Variants in SMCP observed in about 807,000 individuals in gnomAD.
SMCP encodes the protein sperm mitochondrial-associated cysteine-rich protein.
For synonymous variants in SMCP, 41 were observed against 46.9 expected (o/e 0.87, Z 0.51); for missense variants, 137 against 137.1 (o/e 1.00, Z 0.01).
chr1:152,881,536 A>C (rs1649044249), intron 1 of SMCP, among the ~76,000 whole-genome samples: 1 of 150,916 alleles, frequency 6.6e-6, no homozygotes, highest in South Asian at 2.1e-4. Flanking sequence ...AAAATACAAA[A>C]AATTAGCCGG....
chr1:152,883,598 GGTT>G (rs1649118837), intron 1 of SMCP, among the ~76,000 whole-genome samples: 1 of 152,138 alleles, frequency 6.6e-6, no homozygotes, highest in Admixed American at 6.5e-5. Context: ...ACTGCTGAGT[GGTT>G]GAGTTTGAGG....
At chr1:152,881,067 C>A (rs919065980) in intron 1 of SMCP, among the ~76,000 whole-genome samples, 1 of 151,948 alleles carries the variant, frequency 6.6e-6, no homozygotes, top group Non-Finnish European at 1.5e-5. Context: ...CTGGGTCCAA[C>A]GTGTGAGTCT....
rs147087324 is a variant in SMCP at position 152,883,160 on chromosome 1, C to G, written c.-20-1243C>G. On this transcript the variant is annotated intron_variant, in intron 1 of 1. Transcript: ENST00000368765. ...CCACCTCACCTCAGCAGTTGTCACT[C>G]CAAATCCCACACCCATCCTACCCTA... Among the ~76,000 whole-genome samples the G allele has an allele frequency of 9.2e-5, 14 of 152,318 alleles. No homozygotes were observed. The East Asian group carries it at 2.5e-3, about 27-fold the overall frequency.
intron 1 of SMCP, among the ~76,000 whole-genome samples, chr1:152,882,121 A>T (rs940110354): frequency 6.6e-6 from 1 of 152,194 alleles, no homozygotes; most frequent in African/African-American, 2.4e-5. Context: ...GATTACAGGC[A>T]CCTGCCACCA....
rs368322146 is a variant in SMCP at position 152,882,078 on chromosome 1, C to T, written c.-20-2325C>T. Reference sequence around the variant, plus strand: ...GTAACCTCCACCTCCTGGGTTCAAGCGATTCTCCTGCCTCAGTCTCCCAAG... The same window carrying T: ...GTAACCTCCACCTCCTGGGTTCAAGTGATTCTCCTGCCTCAGTCTCCCAAG... On this transcript the variant is annotated intron_variant, in intron 1 of 1. Coordinates refer to ENST00000368765, the MANE Select transcript of SMCP (RefSeq NM_030663.3). 1.1e-4 allele frequency among the ~76,000 whole-genome samples: 17 copies of T among 152,264 alleles called. No homozygotes were observed. In the East Asian group the frequency reaches 2.7e-3, roughly 24 times the overall value.
At position 152,884,771 on chromosome 1, in the gene SMCP, T is replaced by G; in HGVS notation, c.349T>G (p.Ter117GlyextTer19). Residue 117 changes from the stop codon to glycine, a stop_lost, in exon 2 of 2, where the codon TGA becomes GGA. Transcript: ENST00000368765. ...SPQNESRPSK[*>G] ...ACAAAATGAGTCCAGGCCAAGCAAATGAGAGCAGAAGAAGTCAAACAAAGA... is the reference window on the plus strand; with the variant it reads ...ACAAAATGAGTCCAGGCCAAGCAAAGGAGAGCAGAAGAAGTCAAACAAAGA... 1 of 1,612,978 alleles carries G rather than the reference T, an allele frequency of 6.2e-7. No individual in the cohort carries two copies. Among genetic ancestry groups the G allele is most frequent in the Non-Finnish European group, 8.5e-7 (1 of 1,179,322 alleles).
Position 152,884,543 on chromosome 1 carries a change from C to T in SMCP, c.121C>T (p.Gln41Ter). The T allele has an allele frequency of 6.2e-7, 1 of 1,614,024 alleles. No individual in the cohort carries two copies. Among genetic ancestry groups the T allele is most frequent in the Non-Finnish European group, 8.5e-7 (1 of 1,179,998 alleles). Residue 41 changes from glutamine (Q) to a stop codon, truncating the protein, a stop_gained, in exon 2 of 2, where the codon CAG (glutamine) becomes TAG (stop). Coordinates refer to ENST00000368765, the MANE Select transcript of SMCP (RefSeq NM_030663.3). LOFTEE classifies it low-confidence loss of function (END_TRUNC). Reference sequence around the variant, plus strand: ...TCAATGCTGCCCACCAAAACAGAACCAGTGCTGCCAGCCAAAAGGCAGTCA... The same window carrying T: ...TCAATGCTGCCCACCAAAACAGAACTAGTGCTGCCAGCCAAAAGGCAGTCA... Reference protein sequence around the residue: ...GNQCCPPKQNQCCQPKGSQCC... With the variant: ...GNQCCPPKQN
At chr1:152,880,343 C>A (rs1648994264) in intron 1 of SMCP, among the ~76,000 whole-genome samples, 1 of 152,144 alleles carries the variant, frequency 6.6e-6, no homozygotes, top group African/African-American at 2.4e-5. Context: ...CAGGGGCACC[C>A]AAGTGTGTGC....
chr1:152,878,786 T>A (rs907341792), intron 1 of SMCP, among the ~76,000 whole-genome samples: 1 of 152,146 alleles, frequency 6.6e-6, no homozygotes, highest in Non-Finnish European at 1.5e-5. Context: ...AGGTTTTGGG[T>A]TAAGGAAGTT....
chr1:152,880,966 T>C (rs1426452957), intron 1 of SMCP, among the ~76,000 whole-genome samples: 1 of 1,804 alleles, frequency 5.5e-4, no homozygotes, highest in African/African-American at 2.5e-3. Flanking sequence ...TTATAAGAGG[T>C]AGCACTGTGC....
At chr1:152,882,826 C>A (rs1649097896) in intron 1 of SMCP, among the ~76,000 whole-genome samples, 1 of 152,172 alleles carries the variant, frequency 6.6e-6, no homozygotes, top group African/African-American at 2.4e-5. Flanking sequence ...GTCAGATCAC[C>A]AGAGGTCAGG....
chr1:152,879,889 G>A (rs1648981226), intron 1 of SMCP, among the ~76,000 whole-genome samples: 1 of 152,132 alleles, frequency 6.6e-6, no homozygotes, highest in African/African-American at 2.4e-5. Flanking sequence ...CTGGGCTCCA[G>A]GTGCCTCTGA....
At chr1:152,878,608 C>T (rs1485311838) in intron 1 of SMCP, among the ~76,000 whole-genome samples, 162 bp downstream of exon 1, 1 of 152,156 alleles carries the variant, frequency 6.6e-6, no homozygotes, top group Non-Finnish European at 1.5e-5. Flanking sequence ...AAAGCTCCTG[C>T]TTCTATTTAA....
At chr1:152,880,736 T>G (rs1288623086) in intron 1 of SMCP, among the ~76,000 whole-genome samples, 9 of 151,972 alleles carry the variant, frequency 5.9e-5, no homozygotes, top group Admixed American at 3.3e-4. Flanking sequence ...CTGGCAGAGA[T>G]AGAGTCATGA....
intron 1 of SMCP, among the ~76,000 whole-genome samples, chr1:152,880,360 G>A (rs939266058): frequency 6.6e-6 from 1 of 152,176 alleles, no homozygotes; most frequent in Non-Finnish European, 1.5e-5. Context: ...GTGCTTGTGT[G>A]TGCGTGTGGA....
chr1:152,884,794 AG>A lies in SMCP; in HGVS notation c.*22del. 6.2e-7 allele frequency: 1 copy of A among 1,600,832 alleles called. No individual in the cohort carries two copies. The highest frequency in any genetic ancestry group is 1.1e-5 in the South Asian group (1 of 90,336). ...AATGAGAGCAGAAGAAGTCAAACAA[AG>A]AAGAAGTCCCTGGGGCCATGCCTTT... On this transcript the variant is annotated 3_prime_UTR_variant, in exon 2 of 2. Coordinates refer to ENST00000368765, the MANE Select transcript of SMCP (RefSeq NM_030663.3).
At chr1:152,879,289 C>T (rs927731818) in intron 1 of SMCP, among the ~76,000 whole-genome samples, 4 of 152,078 alleles carry the variant, frequency 2.6e-5, no homozygotes, top group Admixed American at 1.3e-4. Flanking sequence ...GGTGAGGTCT[C>T]GGCTCACTGT....
Position 152,884,504 on chromosome 1 carries a change from C to T in SMCP, c.82C>T (p.Gln28Ter). 1 of 1,613,974 alleles carries T rather than the reference C, an allele frequency of 6.2e-7. No individual in the cohort carries two copies. Among genetic ancestry groups the T allele is most frequent in the Non-Finnish European group, 8.5e-7 (1 of 1,179,912 alleles). ...CCCACCACAGCAGAACCAGTGCTGCCAGTCAAAAGGCAATCAATGCTGCCC... is the reference window on the plus strand; with the variant it reads ...CCCACCACAGCAGAACCAGTGCTGCTAGTCAAAAGGCAATCAATGCTGCCC... ...CCPPQQNQCCQSKGNQCCPPK... is the reference protein window; with the variant it reads ...CCPPQQNQCC The change falls in exon 2 of 2, where the codon CAG (glutamine) becomes TAG (stop). Residue 28 changes from glutamine (Q) to a stop codon, truncating the protein, a stop_gained. Transcript: ENST00000368765. LOFTEE classifies it low-confidence loss of function (END_TRUNC).
At position 152,884,972 on chromosome 1, in the gene SMCP, G is replaced by A; in HGVS notation, c.*199G>A. On this transcript the variant is annotated 3_prime_UTR_variant, in exon 2 of 2. Coordinates refer to ENST00000368765, the MANE Select transcript of SMCP (RefSeq NM_030663.3). ...GGAGGCCTCCATCTGGAAATGGGAG[G>A]ATGAAGAGGCTAGAATCATCTTTCC... 1 of 598,772 alleles carries A rather than the reference G, an allele frequency of 1.7e-6. No individual in the cohort carries two copies. Among genetic ancestry groups the A allele is most frequent in the South Asian group, 2.3e-5 (1 of 43,236 alleles). 37.1% of individuals were successfully genotyped at this position (598,772 alleles called of 1,614,324 possible). A position where few individuals can be genotyped will look rare whatever the true frequency, so the allele number is the denominator to read the frequency against.
Sources: allele counts gnomAD v4.1 joint callset (sites outside exome capture counted in the v4.1 genomes callset), GRCh38; gene constraint gnomAD v4.1.1; transcripts MANE v1.5; gene names NCBI Gene and HGNC (gene_info 2026-07-23, HGNC 2026-07-21).